Variants in ATOH8 observed in about 807,000 individuals in gnomAD.
The protein encoded by ATOH8 is transcription factor ATOH8.
ATOH8 carries 9 observed loss-of-function variants against 21.2 expected under a neutral mutation model. The observed-to-expected ratio is 0.42, with a 90% confidence interval of 0.26 to 0.74. The LOEUF is 0.74. Ranked by LOEUF, ATOH8 falls within the 30% of genes least tolerant of loss-of-function variation. The pLI, the probability that ATOH8 is intolerant of heterozygous loss-of-function variation, is 0.24. For missense variants in ATOH8, 524 were observed against 470.9 expected, an observed-to-expected ratio of 1.11 and a Z score of -1.04; for synonymous variants, 253 against 224.0, an observed-to-expected ratio of 1.13 and a Z score of -1.16.
At chr2:85,760,665 T>A (rs1328490213) in intron 1 of ATOH8, 1 of 152,234 alleles carries the variant, frequency 6.6e-6, no homozygotes, top group Non-Finnish European at 1.5e-5. Context: ...ACTTAAAAGA[T>A]GAATACAGAC....
At chr2:85,758,273 A>G (rs888951014) in intron 1 of ATOH8, among the ~76,000 whole-genome samples, 3 of 152,266 alleles carry the variant, frequency 2.0e-5, no homozygotes, top group Non-Finnish European at 4.4e-5. Flanking sequence ...TTAATGAAAT[A>G]GATATTATTG....
rs753945730 is a variant in ATOH8 at position 85,754,712 on chromosome 2, C to T, written c.523C>T (p.Pro175Ser). Residue 175 changes from proline (P) to serine (S), a missense_variant, in exon 1 of 3, where the codon CCG becomes TCG. Physicochemically the swap from Pro to Ser is moderately conservative, Grantham distance 74 (BLOSUM62 -1). Coordinates refer to ENST00000306279, the MANE Select transcript of ATOH8 (RefSeq NM_032827.7). ...PSAPPAPPAP[P>S]ESTVRPAPPT... ...AGCACCCCCAGCACCGCCAGCGCCC[C>T]CGGAGTCCACTGTGCGCCCTGCGCC... is the stretch of plus-strand genomic sequence containing the variant. 8.7e-6 allele frequency: 14 copies of T among 1,611,172 alleles called. No homozygotes were observed. The highest frequency in any genetic ancestry group is 1.1e-5 in the Non-Finnish European group (13 of 1,179,154).
At position 85,754,067 on chromosome 2, in the gene ATOH8, G is replaced by A; in HGVS notation, c.-123G>A. The A allele has an allele frequency of 8.2e-7, 1 of 1,218,906 alleles. No individual in the cohort carries two copies. The highest frequency in any genetic ancestry group is 1.9e-5 in the South Asian group (1 of 53,270). The allele number at this position is 1,218,906 out of a possible 1,614,324, so 75.5% of individuals were successfully genotyped here. ...CCGGCGGCGCAGCTGCCCGGGGCGA[G>A]GGGGAGAAAGGGAGAGAGGGAGGGG... On this transcript the variant is annotated 5_prime_UTR_variant, in exon 1 of 3. Transcript: ENST00000306279.
At chr2:85,771,109 G>C (rs894746533) in intron 2 of ATOH8, among the ~76,000 whole-genome samples, 2 of 152,184 alleles carry the variant, frequency 1.3e-5, no homozygotes, top group African/African-American at 4.8e-5. Context: ...GCTAACCCCA[G>C]AGAACGCTGT....
At chr2:85,770,946 G>A (rs1385256535) in intron 2 of ATOH8, among the ~76,000 whole-genome samples, 1 of 152,108 alleles carries the variant, frequency 6.6e-6, no homozygotes, top group Non-Finnish European at 1.5e-5. Flanking sequence ...TCTCTGAGAC[G>A]TGGGAAGTCC....
chr2:85,764,322 C>T (rs781616431), intron 2 of ATOH8, 140 bp downstream of exon 2: 22 of 1,074,206 alleles, frequency 2.0e-5, no homozygotes, highest in Non-Finnish European at 2.6e-5. Flanking sequence ...GGAGTTGCCT[C>T]AGCTTCAGTG....
Position 85,789,739 on chromosome 2 carries a change from A to C in ATOH8, c.*2849A>C, listed in dbSNP as rs1680716221. 6.6e-6 allele frequency among the ~76,000 whole-genome samples: 1 copy of C among 152,166 alleles called. No individual in the cohort carries two copies. The highest frequency in any genetic ancestry group is 2.4e-5 in the African/African-American group (1 of 41,440). On this transcript the variant is annotated 3_prime_UTR_variant, in exon 3 of 3. Coordinates refer to ENST00000306279, the MANE Select transcript of ATOH8 (RefSeq NM_032827.7). ...CTCAAGTGATCTTAATGTGCAGGCA[A>C]GGTTGAAGCCGCTGGTCTAAGTGGG...
intron 2 of ATOH8, among the ~76,000 whole-genome samples, chr2:85,772,412 C>A (rs1206375683): frequency 3.3e-5 from 5 of 151,952 alleles, no homozygotes; most frequent in Admixed American, 1.3e-4. Flanking sequence ...CCGCCGCGGC[C>A]CCCCCTCCTG....
At chr2:85,779,847 C>G (rs562060330) in intron 2 of ATOH8, among the ~76,000 whole-genome samples, 1 of 152,192 alleles carries the variant, frequency 6.6e-6, no homozygotes, top group Admixed American at 6.5e-5. Context: ...AGCCGCCCTC[C>G]GTAAATGGTG....
intron 1 of ATOH8, among the ~76,000 whole-genome samples, chr2:85,756,425 A>G (rs1194433346): frequency 6.6e-6 from 1 of 152,148 alleles, no homozygotes; most frequent in African/African-American, 2.4e-5. Context: ...CCACCTTGCC[A>G]CTAGGGAAGC....
intron 2 of ATOH8, 82 bp downstream of exon 2, chr2:85,764,264 C>A: frequency 6.5e-7 from 1 of 1,549,862 alleles, no homozygotes; most frequent in East Asian, 2.3e-5. Context: ...CCTGCCTATG[C>A]CCAGAATTCT....
intron 1 of ATOH8, among the ~76,000 whole-genome samples, chr2:85,757,293 C>T (rs950315858): frequency 1.3e-5 from 2 of 152,262 alleles, no homozygotes; most frequent in Admixed American, 1.3e-4. Context: ...CACCATGGCA[C>T]CCATTCGATA....
chr2:85,782,897 T>A (rs1267178754), intron 2 of ATOH8, among the ~76,000 whole-genome samples: 1 of 152,202 alleles, frequency 6.6e-6, no homozygotes, highest in Non-Finnish European at 1.5e-5. Context: ...GGTTTTGCCA[T>A]GTTGGCCAGA....
chr2:85,790,100 C>T lies in ATOH8; in HGVS notation c.*3210C>T, dbSNP rs148876535. ...GAGACCCTCAGCAAAATATAAATGACGAGGAGCTGCCCTCATGGGGCCCTG... is the reference window on the plus strand; with the variant it reads ...GAGACCCTCAGCAAAATATAAATGATGAGGAGCTGCCCTCATGGGGCCCTG... On this transcript the variant is annotated 3_prime_UTR_variant, in exon 3 of 3. Coordinates refer to ENST00000306279, the MANE Select transcript of ATOH8 (RefSeq NM_032827.7). Among the ~76,000 whole-genome samples the T allele has an allele frequency of 0.011, 1,604 of 152,324 alleles. 12 individuals carry two copies. Among genetic ancestry groups the T allele is most frequent in the Non-Finnish European group, 0.014 (958 of 68,034 alleles).
intron 2 of ATOH8, among the ~76,000 whole-genome samples, chr2:85,769,693 T>C (rs1302006961): frequency 6.6e-6 from 1 of 151,838 alleles, no homozygotes; most frequent in African/African-American, 2.4e-5. Flanking sequence ...GAGCTGAGGG[T>C]GTGTAGGAGG....
At chr2:85,771,557 G>A (rs960118201) in intron 2 of ATOH8, among the ~76,000 whole-genome samples, 2 of 152,186 alleles carry the variant, frequency 1.3e-5, no homozygotes, top group African/African-American at 4.8e-5. Flanking sequence ...CTTTCTGAGT[G>A]AGAGATTCTT....
At chr2:85,755,002 T>C in intron 1 of ATOH8, 45 bp downstream of exon 1, 1 of 1,534,764 alleles carries the variant, frequency 6.5e-7, no homozygotes, top group Non-Finnish European at 8.7e-7. Context: ...GGGGGACGAC[T>C]GCGGGAATGG....
chr2:85,754,777 A>G lies in ATOH8; in HGVS notation c.588A>G (p.Ser196=), dbSNP rs751929740. The change falls in exon 1 of 3, where the codon TCA becomes TCG. Residue 196 remains serine (S), a synonymous_variant. Coordinates refer to ENST00000306279, the MANE Select transcript of ATOH8 (RefSeq NM_032827.7). The stretch of plus-strand genomic sequence containing the variant: ...GGGAAAGTTCCTACTCGTCAATTTC[A>G]CACGTAATTTACAATAACCACCAGG... ...RPGESSYSSI[S]HVIYNNHQDS... The G allele has an allele frequency of 6.2e-7, 1 of 1,612,944 alleles. No homozygotes were observed. The highest frequency in any genetic ancestry group is 8.5e-7 in the Non-Finnish European group (1 of 1,179,836).
intron 2 of ATOH8, chr2:85,774,411 A>T: frequency 1.0e-6 from 1 of 985,604 alleles, no homozygotes; most frequent in Non-Finnish European, 1.2e-6. Flanking sequence ...TAAACAGGCC[A>T]TGCCCTTTCT....
Sources: gnomAD v4.1 joint callset for allele counts (sites outside exome capture counted in the v4.1 genomes callset) on GRCh38, gnomAD v4.1.1 for gene constraint, MANE v1.5 for transcripts, NCBI Gene and HGNC (gene_info 2026-07-23, HGNC 2026-07-21) for gene names.